KATNB1: variants seen among roughly 807,000 people sequenced by gnomAD.
KATNB1 encodes the protein katanin regulatory subunit B1.
KATNB1 carries 38 observed loss-of-function variants against 82.3 expected under a neutral mutation model. That is an observed-to-expected ratio of 0.46 (90% CI 0.36 to 0.61). The LOEUF (loss-of-function observed/expected upper bound fraction) is 0.61. KATNB1 is among the 20% of genes least tolerant of loss of function. The pLI is 0.00. For missense variants in KATNB1, 749 were observed against 915.7 expected, an observed-to-expected ratio of 0.82 and a Z score of 2.35; for synonymous variants, 361 against 368.7, an observed-to-expected ratio of 0.98 and a Z score of 0.24.
intron 1 of KATNB1, among the ~76,000 whole-genome samples, chr16:57,736,597 C>A (rs2049101668): frequency 6.6e-6 from 1 of 152,092 alleles, no homozygotes; most frequent in South Asian, 2.1e-4. Flanking sequence ...TTCCTAGGCC[C>A]CTAAGCTTAG....
chr16:57,750,569 T>C (rs1350144863), intron 4 of KATNB1, among the ~76,000 whole-genome samples: 2 of 152,068 alleles, frequency 1.3e-5, no homozygotes, highest in African/African-American at 4.8e-5. Flanking sequence ...GAGGTTGCAG[T>C]GAGCCGAGAT....
intron 4 of KATNB1, among the ~76,000 whole-genome samples, chr16:57,748,216 G>T (rs2049197184): frequency 6.6e-6 from 1 of 152,096 alleles, no homozygotes; most frequent in Admixed American, 6.5e-5. Context: ...AGAGAAACTT[G>T]CCATCAGCAC....
At chr16:57,749,192 T>C (rs1405977598) in intron 4 of KATNB1, among the ~76,000 whole-genome samples, 3 of 152,238 alleles carry the variant, frequency 2.0e-5, no homozygotes, top group Non-Finnish European at 4.4e-5. Flanking sequence ...AGGCAGGCCT[T>C]GTGCAGGAAG....
intron 16 of KATNB1, 93 bp from the exon 17 acceptor site, chr16:57,755,748 A>T (rs541062067): frequency 8.2e-7 from 1 of 1,225,884 alleles, no homozygotes; most frequent in African/African-American, 1.5e-5. Flanking sequence ...CCCCATCAGC[A>T]CACCCACATT....
At position 57,750,755 on chromosome 16, in the gene KATNB1, C is replaced by T. The variant is rs1234859768; in HGVS notation, c.290-72C>T. ...AATCCAAAAGCGCACACACAAATGCCCACAGCAGCCCTTCCTCTGCCAGCC... is the reference window on the plus strand; with the variant it reads ...AATCCAAAAGCGCACACACAAATGCTCACAGCAGCCCTTCCTCTGCCAGCC... On this transcript the variant is annotated intron_variant, in intron 4 of 19. Coordinates refer to ENST00000379661, the MANE Select transcript of KATNB1 (RefSeq NM_005886.3). 5.2e-6 allele frequency: 6 copies of T among 1,145,306 alleles called. No homozygotes were observed. In the Admixed American group the frequency reaches 6.7e-5, roughly 13 times the overall value. 70.9% of individuals were successfully genotyped at this position (1,145,306 alleles called of 1,614,324 possible).
At chr16:57,747,746 G>A (rs1184932795) in intron 4 of KATNB1, among the ~76,000 whole-genome samples, 1 of 152,154 alleles carries the variant, frequency 6.6e-6, no homozygotes, top group African/African-American at 2.4e-5. Flanking sequence ...CCAGCGCGTG[G>A]GCACCAGCCA....
chr16:57,741,798 A>G lies in KATNB1; in HGVS notation c.152A>G (p.Asn51Ser), dbSNP rs374691293. ...TGCCGCGTCAACCTGTGGTCCATCA[A>G]CAAGCCCAACTGCATCATGGTGAGC... is the stretch of plus-strand genomic sequence containing the variant. The part of the protein sequence containing the change: ...DDCRVNLWSI[N>S]KPNCIMSLTG... The change falls in exon 3 of 20, where the codon AAC becomes AGC. Residue 51 changes from asparagine (N) to serine (S), a missense_variant. Physicochemically the swap from Asn to Ser is conservative, Grantham distance 46 (BLOSUM62 1). Coordinates refer to ENST00000379661, the MANE Select transcript of KATNB1 (RefSeq NM_005886.3). 3.7e-6 allele frequency: 6 copies of G among 1,613,484 alleles called. No individual in the cohort carries two copies. Among genetic ancestry groups the G allele is most frequent in the African/African-American group, 2.7e-5 (2 of 74,948 alleles).
chr16:57,756,082 C>T lies in KATNB1; in HGVS notation c.1718+16C>T. 1 of 1,602,628 alleles carries T rather than the reference C, an allele frequency of 6.2e-7. No individual in the cohort carries two copies. Among genetic ancestry groups the T allele is most frequent in the South Asian group, 1.1e-5 (1 of 91,066 alleles). ...AGTATGAGAGGTGCGTGTGGGGAAG[C>T]CATGCCTGCCTGAAGCAGGGGGAGG... On this transcript the variant is annotated intron_variant, in intron 18 of 19. Transcript: ENST00000379661.
intron 19 of KATNB1, 153 bp from the exon 20 acceptor site, chr16:57,756,661 C>A: frequency 7.5e-7 from 1 of 1,338,788 alleles, no homozygotes; most frequent in Non-Finnish European, 9.9e-7. Context: ...CTGGCTGTGC[C>A]CACAATCCCT....
In KATNB1 at chr16:57,737,175, C is replaced by T; in HGVS notation, c.-69C>T. The T allele has an allele frequency of 6.4e-7, 1 of 1,560,458 alleles. No homozygotes were observed. The highest frequency in any genetic ancestry group is 8.8e-7 in the Non-Finnish European group (1 of 1,134,546). On this transcript the variant is annotated 5_prime_UTR_variant, in exon 2 of 20. Coordinates refer to ENST00000379661, the MANE Select transcript of KATNB1 (RefSeq NM_005886.3). Reference sequence around the variant, plus strand: ...TGATTGGTGGATCTGGGGGGGGATCCACCCCCACCCCACGAGGAAAGCACA... The same window carrying T: ...TGATTGGTGGATCTGGGGGGGGATCTACCCCCACCCCACGAGGAAAGCACA...
chr16:57,736,701 C>T (rs2049102726), intron 1 of KATNB1: 1 of 266,928 alleles, frequency 3.7e-6, no homozygotes, highest in African/African-American at 2.2e-5. Flanking sequence ...TCTTCTCCGC[C>T]CCACTGCGGC....
intron 9 of KATNB1, 52 bp from the exon 10 acceptor site, chr16:57,752,726 G>A: frequency 1.3e-6 from 2 of 1,588,960 alleles, no homozygotes; most frequent in African/African-American, 1.3e-5. Flanking sequence ...TCCTCGGGGT[G>A]GGGACCAGGC....
Position 57,751,731 on chromosome 16 carries a change from C to A in KATNB1, c.516+7C>A. The stretch of plus-strand genomic sequence containing the variant: ...AGATGACCACACCGTGAAGGTAGCT[C>A]CCGGCCTGACCTGGGCCCAGGGGCT... On this transcript the variant is annotated splice_region_variant and intron_variant, in intron 7 of 19. Transcript: ENST00000379661. The surrounding 1 kb of genome is among the most constrained non-coding windows in gnomAD (Gnocchi z 6.3). 1 of 1,608,140 alleles carries A rather than the reference C, an allele frequency of 6.2e-7. No individual in the cohort carries two copies. The highest frequency in any genetic ancestry group is 8.5e-7 in the Non-Finnish European group (1 of 1,179,822).
chr16:57,746,600 A>G (rs1263612132), intron 4 of KATNB1, among the ~76,000 whole-genome samples: 1 of 151,870 alleles, frequency 6.6e-6, no homozygotes, highest in Non-Finnish European at 1.5e-5. Flanking sequence ...CGGATTTTTC[A>G]AGAGAGGCTG....
chr16:57,756,201 A>G, intron 18 of KATNB1, 135 bp downstream of exon 18: 1 of 1,187,290 alleles, frequency 8.4e-7, no homozygotes. Flanking sequence ...CTGCCCCTCA[A>G]CAGTCCGGAG....
At chr16:57,752,407 A>G (rs1012215683) in intron 8 of KATNB1, 123 bp from the exon 9 acceptor site, 69 of 869,134 alleles carry the variant, frequency 7.9e-5, no homozygotes, top group Middle Eastern at 2.2e-4. Flanking sequence ...GCTCTGCCCC[A>G]GATGTTGCTC....
intron 2 of KATNB1, among the ~76,000 whole-genome samples, chr16:57,739,293 C>T (rs925606650): frequency 2.0e-5 from 3 of 152,338 alleles, no homozygotes; most frequent in Non-Finnish European, 2.9e-5. Context: ...CCCAGGGCCA[C>T]GTGACCTCTG....
intron 2 of KATNB1, among the ~76,000 whole-genome samples, chr16:57,741,199 A>G (rs1200298395): frequency 2.0e-5 from 3 of 152,212 alleles, no homozygotes; most frequent in African/African-American, 7.2e-5. Flanking sequence ...TCTCCAAAGC[A>G]GGGTTTGTAT....
chr16:57,743,897 CGGG>C (rs1158318536), intron 3 of KATNB1, among the ~76,000 whole-genome samples: 1 of 152,222 alleles, frequency 6.6e-6, no homozygotes, highest in African/African-American at 2.4e-5. Context: ...CTCCTTTCCA[CGGG>C]GATGGGCAGT....
Sources: allele counts gnomAD v4.1 joint callset (sites outside exome capture counted in the v4.1 genomes callset), GRCh38; gene constraint gnomAD v4.1.1; non-coding constraint Gnocchi (gnomAD v3.1); transcripts MANE v1.5; gene names NCBI Gene and HGNC (gene_info 2026-07-23, HGNC 2026-07-21).